The following MCTP1 variants were observed in gnomAD, a reference collection of about 807,000 sequenced individuals.
MCTP1 encodes the protein multiple C2 and transmembrane domain containing 1.
MCTP1 carries 69 observed loss-of-function variants against 120.6 expected under a neutral mutation model. That is an observed-to-expected ratio of 0.57 (90% CI 0.47 to 0.70). The LOEUF (loss-of-function observed/expected upper bound fraction) is 0.70, where lower values mean the gene tolerates loss of function less well. Ranked by LOEUF, MCTP1 falls within the 30% of genes least tolerant of loss-of-function variation. The pLI is 0.00. For synonymous variants in MCTP1, 529 were observed against 493.1 expected, an observed-to-expected ratio of 1.07 and a Z score of -0.96; for missense variants, 1,203 against 1,248.8, an observed-to-expected ratio of 0.96 and a Z score of 0.55.
chr5:94,822,973 C>A (rs557672661), intron 17 of MCTP1, among the ~76,000 whole-genome samples: 1 of 152,106 alleles, frequency 6.6e-6, no homozygotes, highest in East Asian at 1.9e-4. Context: ...GGATAGATTG[C>A]AAACTTTTCT....
At chr5:94,714,370 C>T (rs1758310615) in intron 20 of MCTP1, among the ~76,000 whole-genome samples, 2 of 152,032 alleles carry the variant, frequency 1.3e-5, no homozygotes, top group Admixed American at 1.3e-4. Flanking sequence ...TTTAGTGTCA[C>T]TTGATGAAAA....
chr5:95,142,707 G>C (rs1315985915), intron 1 of MCTP1, among the ~76,000 whole-genome samples: 1 of 152,146 alleles, frequency 6.6e-6, no homozygotes, highest in African/African-American at 2.4e-5. Flanking sequence ...TACGGGAATA[G>C]AATCAATGGG....
chr5:94,946,252 TTACTC>T (rs2153516715), intron 3 of MCTP1, among the ~76,000 whole-genome samples: 1 of 152,250 alleles, frequency 6.6e-6, no homozygotes, highest in East Asian at 1.9e-4. Context: ...GCATGCTTCT[TTACTC>T]AAGTCTAGTG....
At position 94,903,611 on chromosome 5, in the gene MCTP1, G is replaced by A. The variant is rs577146833; in HGVS notation, c.1652+5640C>T. Among the ~76,000 whole-genome samples, 17 of 152,162 alleles carry A rather than the reference G, an allele frequency of 1.1e-4. No individual in the cohort carries two copies. The South Asian group carries it at 1.7e-3, about 15-fold the overall frequency. ...ATCATATACCATTAATAAGAATTTC[G>A]TTAAAATTAAGCCCTTGACTCAAGC... is the stretch of plus-strand genomic sequence containing the variant. On this transcript the variant is annotated intron_variant, in intron 10 of 22. Coordinates refer to ENST00000515393, the MANE Select transcript of MCTP1 (RefSeq NM_024717.7).
intron 19 of MCTP1, among the ~76,000 whole-genome samples, chr5:94,750,689 C>A (rs935475927): frequency 6.6e-6 from 1 of 152,250 alleles, no homozygotes; most frequent in Non-Finnish European, 1.5e-5. Flanking sequence ...CATCCTGGAT[C>A]GACAGATAGT....
rs55957139 is a variant in MCTP1, at chr5:94,817,407, AAAACAAAC to A, written c.2437-18283_2437-18276del. 4.5e-3 allele frequency among the ~76,000 whole-genome samples: 669 copies of A among 150,026 alleles called. 3 individuals are homozygous for A. Among genetic ancestry groups the A allele is most frequent in the South Asian group, 0.01 (49 of 4,694 alleles). Reference sequence around the variant, plus strand: ...TGGGCGACAGTGAGACTCTTGTCTCAAAACAAACAAACAAACAAACAAACAAACAAACA... The same window carrying A: ...TGGGCGACAGTGAGACTCTTGTCTCAAAACAAACAAACAAACAAACAAACA... On this transcript the variant is annotated intron_variant, in intron 17 of 22. Coordinates refer to ENST00000515393, the MANE Select transcript of MCTP1 (RefSeq NM_024717.7).
chr5:95,049,074 T>G (rs1239541644), intron 1 of MCTP1, among the ~76,000 whole-genome samples: 1 of 152,152 alleles, frequency 6.6e-6, no homozygotes, highest in Non-Finnish European at 1.5e-5. Flanking sequence ...TGCTTCTACT[T>G]TATTTAATGG....
At chr5:94,918,540 C>T (rs1340758686) in intron 7 of MCTP1, among the ~76,000 whole-genome samples, 1 of 152,148 alleles carries the variant, frequency 6.6e-6, no homozygotes, top group African/African-American at 2.4e-5. Context: ...ACCCAAAGAT[C>T]CCTTCACTAC....
chr5:95,053,966 A>C (rs1236602905), intron 1 of MCTP1, among the ~76,000 whole-genome samples: 4 of 152,246 alleles, frequency 2.6e-5, no homozygotes, highest in Non-Finnish European at 5.9e-5. Context: ...GCCGTATCAT[A>C]AGATTAACCT....
At position 94,992,609 on chromosome 5, in the gene MCTP1, T is replaced by C. The variant is rs149228662; in HGVS notation, c.838+24758A>G. On this transcript the variant is annotated intron_variant, in intron 2 of 22. Coordinates refer to ENST00000515393, the MANE Select transcript of MCTP1 (RefSeq NM_024717.7). ...CACAGGAGTGCGTTTGGCCCATGCA[T>C]AGGCCAGGCCACAGGTACAATGTCT... 5.6e-3 allele frequency among the ~76,000 whole-genome samples: 846 copies of C among 152,304 alleles called. 6 individuals carry two copies. The highest frequency in any genetic ancestry group is 0.02 in the Middle Eastern group (6 of 294).
chr5:94,804,654 G>T (rs979914630), intron 17 of MCTP1, among the ~76,000 whole-genome samples: 1 of 152,182 alleles, frequency 6.6e-6, no homozygotes, highest in Non-Finnish European at 1.5e-5. Context: ...TAGTCAGGAT[G>T]GTCTCGATCT....
intron 17 of MCTP1, among the ~76,000 whole-genome samples, chr5:94,828,821 C>T (rs74872199): frequency 0.069 from 10,489 of 152,164 alleles, 487 homozygotes; most frequent in East Asian, 0.24. Flanking sequence ...GGTCCCAGAT[C>T]GACTTCAGAC....
chr5:95,282,184 T>G lies in MCTP1; in HGVS notation c.720+1672A>C, dbSNP rs947500899. ...CTCCAGAATAAGTTTATATCTTTTG[T>G]ATACAAAATTCATACTTACATAGTA... is the stretch of plus-strand genomic sequence containing the variant. On this transcript the variant is annotated intron_variant, in intron 1 of 22. Coordinates refer to ENST00000515393, the MANE Select transcript of MCTP1 (RefSeq NM_024717.7). 2.0e-5 allele frequency among the ~76,000 whole-genome samples: 3 copies of G among 152,240 alleles called. No homozygotes were observed. The East Asian group carries it at 5.8e-4, about 29-fold the overall frequency.
chr5:94,769,629 C>T (rs1218929987), intron 19 of MCTP1, among the ~76,000 whole-genome samples: 1 of 151,938 alleles, frequency 6.6e-6, no homozygotes, highest in Non-Finnish European at 1.5e-5. Flanking sequence ...AGCACAGAAC[C>T]AATAAAATTG....
chr5:95,133,092 T>C (rs946819779), intron 1 of MCTP1, among the ~76,000 whole-genome samples: 3 of 152,190 alleles, frequency 2.0e-5, no homozygotes, highest in Non-Finnish European at 2.9e-5. Flanking sequence ...CTGAGGTGAT[T>C]TAAGATTTGA....
At chr5:94,946,276 T>C (rs1235074448) in intron 3 of MCTP1, among the ~76,000 whole-genome samples, 9 of 152,220 alleles carry the variant, frequency 5.9e-5, no homozygotes, top group Admixed American at 2.0e-4. Context: ...TGGGGAAGCG[T>C]GAGCTGCTTT....
chr5:95,074,917 A>T (rs1232419560), intron 1 of MCTP1, among the ~76,000 whole-genome samples: 2 of 152,252 alleles, frequency 1.3e-5, no homozygotes, highest in Non-Finnish European at 2.9e-5. Flanking sequence ...TGTTGTAAAA[A>T]GATTGCAGAG....
At chr5:95,245,269 C>A (rs1582644567) in intron 1 of MCTP1, among the ~76,000 whole-genome samples, 1 of 152,320 alleles carries the variant, frequency 6.6e-6, no homozygotes. Flanking sequence ...CACCTCTTCT[C>A]CTCCAAAGGA....
chr5:94,783,668 C>T (rs1319559411), intron 18 of MCTP1, among the ~76,000 whole-genome samples: 3 of 152,008 alleles, frequency 2.0e-5, no homozygotes, highest in Non-Finnish European at 4.4e-5. Flanking sequence ...ATAGTGGATA[C>T]TAATTATTGC....
Sources: gnomAD v4.1 joint callset for allele counts (sites outside exome capture counted in the v4.1 genomes callset) on GRCh38, gnomAD v4.1.1 for gene constraint, MANE v1.5 for transcripts, NCBI Gene and HGNC (gene_info 2026-07-23, HGNC 2026-07-21) for gene names.